The following CDH4 variants were observed in gnomAD, a reference collection of about 807,000 sequenced individuals.
CDH4 encodes cadherin 4.
A neutral mutation model predicts 86.0 loss-of-function variants in CDH4; 33 were observed. That is an observed-to-expected ratio of 0.38 (90% CI 0.29 to 0.51). The LOEUF (loss-of-function observed/expected upper bound fraction) is 0.51, where lower values mean the gene tolerates loss of function less well. Among genes scored for constraint, CDH4 ranks in the 20% least tolerant of loss-of-function variants. The probability of loss-of-function intolerance (pLI) is 0.86; values close to 1 mark genes in which losing one functional copy is unlikely to be tolerated. For synonymous variants in CDH4, 555 were observed against 549.4 expected (o/e 1.01, Z -0.14); for missense variants, 1,114 against 1,307.4 (o/e 0.85, Z 2.28).
intron 2 of CDH4, among the ~76,000 whole-genome samples, chr20:61,462,519 A>G (rs113037279): frequency 1.3e-3 from 199 of 152,334 alleles, no homozygotes; most frequent in Middle Eastern, 3.4e-3. Flanking sequence ...ACCAAAAATA[A>G]CAAAATATCT....
chr20:61,801,997 A>G (rs1382546626), intron 4 of CDH4, among the ~76,000 whole-genome samples: 1 of 152,244 alleles, frequency 6.6e-6, no homozygotes, highest in Non-Finnish European at 1.5e-5. Context: ...TGCTGCCATA[A>G]GAGAATGCCA....
At chr20:61,824,338 C>A (rs1423643540) in intron 4 of CDH4, among the ~76,000 whole-genome samples, 1 of 149,294 alleles carries the variant, frequency 6.7e-6, no homozygotes, top group African/African-American at 2.5e-5. Flanking sequence ...GCTCTTGACT[C>A]TTAAAAAGAT....
At chr20:61,612,553 A>C (rs2086693314) in intron 2 of CDH4, among the ~76,000 whole-genome samples, 1 of 152,134 alleles carries the variant, frequency 6.6e-6, no homozygotes. Flanking sequence ...AGCTGTCCAC[A>C]TGGTCACTTT....
At position 61,252,371 on chromosome 20, in the gene CDH4, C is replaced by T. The variant is rs1389411058; in HGVS notation, c.-143C>T. 1.4e-5 allele frequency: 3 copies of T among 222,152 alleles called. No homozygotes were observed. Among genetic ancestry groups the T allele is most frequent in the African/African-American group, 4.8e-5 (2 of 41,428 alleles). The allele number at this position is 222,152 out of a possible 1,614,324, so 13.8% of individuals were successfully genotyped here. A position where few individuals can be genotyped will look rare whatever the true frequency, so the allele number is the denominator to read the frequency against. On this transcript the variant is annotated 5_prime_UTR_variant, in exon 1 of 16. Coordinates refer to ENST00000614565, the MANE Select transcript of CDH4 (RefSeq NM_001794.5). This position sits in a 1 kb window ranked among gnomAD's most constrained non-coding sequence, Gnocchi z 4.4. ...GGGGCGGCGAGCGCGGCGGGCGCAG[C>T]GGGGCTGGAGGCTCCGGGCAGGCGC...
intron 2 of CDH4, among the ~76,000 whole-genome samples, chr20:61,643,358 G>A (rs1056723126): frequency 2.6e-5 from 4 of 152,180 alleles, no homozygotes; most frequent in African/African-American, 7.2e-5. Flanking sequence ...TCTCAGTACC[G>A]TTACATTGGG....
chr20:61,586,092 A>ATGATGG lies in CDH4; in HGVS notation c.170-157459_170-157454dup, dbSNP rs1437521114. Among the ~76,000 whole-genome samples, 2 of 150,188 alleles carry ATGATGG rather than the reference A, an allele frequency of 1.3e-5. 1 individual carries two copies. The highest frequency in any genetic ancestry group is 4.3e-4 in the South Asian group (2 of 4,664). On this transcript the variant is annotated intron_variant, in intron 2 of 15. Coordinates refer to ENST00000614565, the MANE Select transcript of CDH4 (RefSeq NM_001794.5). Reference sequence around the variant, plus strand: ...GATGGGGAAGATGATGGTGATGAAGATGATGGTGATGGTGATGATTGTGGT... The same window carrying ATGATGG: ...GATGGGGAAGATGATGGTGATGAAGATGATGGTGATGGTGATGGTGATGATTGTGGT...
intron 4 of CDH4, among the ~76,000 whole-genome samples, chr20:61,842,599 A>G (rs1982227980): frequency 6.6e-6 from 1 of 152,242 alleles, no homozygotes. Context: ...TGCTTGCATA[A>G]CATATAGAGA....
chr20:61,590,999 C>G (rs2086515671), intron 2 of CDH4, among the ~76,000 whole-genome samples: 1 of 152,072 alleles, frequency 6.6e-6, no homozygotes. Flanking sequence ...CCTCAGAGGC[C>G]CAGGGAGATG....
At chr20:61,796,358 C>T (rs1171892366) in intron 4 of CDH4, among the ~76,000 whole-genome samples, 4 of 152,122 alleles carry the variant, frequency 2.6e-5, no homozygotes, top group African/African-American at 9.7e-5. Context: ...ACTCTATTTA[C>T]AGCCCAGCAC....
At chr20:61,857,649 G>A (rs149257803) in intron 6 of CDH4, among the ~76,000 whole-genome samples, 2,643 of 152,380 alleles carry the variant, frequency 0.017, 36 homozygotes, top group Non-Finnish European at 0.029. Context: ...TTCCCGATGG[G>A]ATTTCACTGG....
At chr20:61,779,879 C>T (rs903828100) in intron 4 of CDH4, among the ~76,000 whole-genome samples, 1 of 152,158 alleles carries the variant, frequency 6.6e-6, no homozygotes, top group East Asian at 1.9e-4. Context: ...TGTGGCGGGG[C>T]CAGCTGAATT....
rs144975814 is a variant in CDH4, at chr20:61,786,726, C to T, written c.576+13544C>T. ...AATATTCAGGGATTTAATTTTGTCACTGAATTGCTGGAGCACCCTCTGTGA... is the reference window on the plus strand; with the variant it reads ...AATATTCAGGGATTTAATTTTGTCATTGAATTGCTGGAGCACCCTCTGTGA... On this transcript the variant is annotated intron_variant, in intron 4 of 15. Transcript: ENST00000614565. 3.7e-3 allele frequency among the ~76,000 whole-genome samples: 560 copies of T among 152,292 alleles called. 3 individuals are homozygous for T. Among genetic ancestry groups the T allele is most frequent in the African/African-American group, 0.013 (540 of 41,562 alleles).
At chr20:61,748,099 G>A (rs529379415) in intron 3 of CDH4, among the ~76,000 whole-genome samples, 5 of 152,284 alleles carry the variant, frequency 3.3e-5, no homozygotes, top group Non-Finnish European at 2.9e-5. Context: ...TTGTGGGGGG[G>A]TTGGAAGACC....
At chr20:61,833,628 C>T in intron 4 of CDH4, among the ~76,000 whole-genome samples, 1 of 152,128 alleles carries the variant, frequency 6.6e-6, no homozygotes, top group Non-Finnish European at 1.5e-5. Context: ...GAGTACTCAG[C>T]CTTCATTACT....
rs2086283987 is a variant in CDH4, at chr20:61,565,339, A to AGGTGGTGGTGGTGATGGTG, written c.170-178223_170-178222insGTGGTGGTGGTGATGGTGG. ...TGGCGGTGCTCTTGGTGATGGTGGTAGTGGTCCTCTTGGTGATGGGGTGAT... is the reference window on the plus strand; with the variant it reads ...TGGCGGTGCTCTTGGTGATGGTGGTAGGTGGTGGTGGTGATGGTGGTGGTCCTCTTGGTGATGGGGTGAT... On this transcript the variant is annotated intron_variant, in intron 2 of 15. Coordinates refer to ENST00000614565, the MANE Select transcript of CDH4 (RefSeq NM_001794.5). Among the ~76,000 whole-genome samples the AGGTGGTGGTGGTGATGGTG allele has an allele frequency of 1.2e-3, 11 of 8,962 alleles. 2 individuals are homozygous for AGGTGGTGGTGGTGATGGTG. The highest frequency in any genetic ancestry group is 0.015 in the South Asian group (2 of 130). 5.9% of individuals were successfully genotyped at this position (8,962 alleles called of 152,430 possible). A position where few individuals can be genotyped will look rare whatever the true frequency, so the allele number is the denominator to read the frequency against.
intron 2 of CDH4, among the ~76,000 whole-genome samples, chr20:61,638,149 G>A (rs917371916): frequency 1.3e-5 from 2 of 152,100 alleles, no homozygotes; most frequent in African/African-American, 2.4e-5. Context: ...CACCATAGAC[G>A]AGTGGAAGGG....
chr20:61,347,944 G>C (rs1443049193), intron 2 of CDH4, among the ~76,000 whole-genome samples: 2 of 152,176 alleles, frequency 1.3e-5, no homozygotes, highest in Non-Finnish European at 2.9e-5. Flanking sequence ...ATGAGGAACA[G>C]CCCTTTCCAT....
chr20:61,353,617 CTCCTCCTCCTCA>C (rs2084726547), intron 2 of CDH4, among the ~76,000 whole-genome samples: 2 of 43,586 alleles, frequency 4.6e-5, no homozygotes, highest in African/African-American at 1.1e-4. Flanking sequence ...CCTCCTCTTC[CTCCTCCTCCTCA>C]TCCTCCTCCT....
chr20:61,626,564 C>A (rs2086831690), intron 2 of CDH4, among the ~76,000 whole-genome samples: 2 of 152,192 alleles, frequency 1.3e-5, no homozygotes, highest in Admixed American at 6.5e-5. Flanking sequence ...AGGGCAGAAG[C>A]TCCTCTGTGA....
Sources: allele counts gnomAD v4.1 joint callset (sites outside exome capture counted in the v4.1 genomes callset), GRCh38; gene constraint gnomAD v4.1.1; non-coding constraint Gnocchi (gnomAD v3.1); transcripts MANE v1.5; gene names NCBI Gene and HGNC (gene_info 2026-07-23, HGNC 2026-07-21).